KCNMA1: variants seen among roughly 807,000 people sequenced by gnomAD.
KCNMA1 encodes the protein Calcium-activated potassium channel subunit alpha-1.
In KCNMA1, 29 loss-of-function variants were observed where a neutral mutation model predicts 140.0. That is an observed-to-expected ratio of 0.21 (90% CI 0.15 to 0.28). KCNMA1 has a LOEUF of 0.28. Among genes scored for constraint, KCNMA1 ranks in the 10% least tolerant of loss-of-function variants. The pLI, the probability that KCNMA1 is intolerant of heterozygous loss-of-function variation, is 1.00. For synonymous variants in KCNMA1, 612 were observed against 611.9 expected (o/e 1.00, Z 0.00); for missense variants, 880 against 1,602.2 (o/e 0.55, Z 7.70).
intron 1 of KCNMA1, among the ~76,000 whole-genome samples, chr10:77,620,716 C>T (rs1383830529): frequency 6.6e-6 from 1 of 152,184 alleles, no homozygotes; most frequent in African/African-American, 2.4e-5. Flanking sequence ...TGTTTTCTCC[C>T]CATTTTTGGA....
intron 6 of KCNMA1, among the ~76,000 whole-genome samples, chr10:77,113,849 G>A (rs761828914): frequency 7.2e-5 from 11 of 152,128 alleles, no homozygotes; most frequent in Non-Finnish European, 1.2e-4. Flanking sequence ...TTACGTTTTT[G>A]TGTGTGACAA....
At chr10:76,992,531 G>T (rs10740464) in intron 19 of KCNMA1, among the ~76,000 whole-genome samples, 117,806 of 152,088 alleles carry the variant, frequency 0.77, 47,763 homozygotes, top group Non-Finnish European at 0.9. Context: ...AAGCTGGTTT[G>T]GGAGAAAGCC....
intron 1 of KCNMA1, among the ~76,000 whole-genome samples, chr10:77,472,735 C>G (rs993799548): frequency 6.6e-6 from 1 of 152,180 alleles, no homozygotes; most frequent in African/African-American, 2.4e-5. Flanking sequence ...CGTGCAGAAG[C>G]AGCTTTTAGT....
At chr10:77,268,256 C>T (rs2063953483) in intron 2 of KCNMA1, among the ~76,000 whole-genome samples, 1 of 152,102 alleles carries the variant, frequency 6.6e-6, no homozygotes, top group Non-Finnish European at 1.5e-5. Flanking sequence ...GTTTAGTAAC[C>T]TGATATACCA....
rs113608612 is a variant in KCNMA1 at position 77,357,374 on chromosome 10, T to C, written c.540+46488A>G. ...GGACAGTCATTCTGGTAGCATCCTC[T>C]GGTAGAGAATAACATAGTCAAATCT... On this transcript the variant is annotated intron_variant, in intron 2 of 27. Transcript: ENST00000286628. Among the ~76,000 whole-genome samples, 667 of 152,352 alleles carry C rather than the reference T, an allele frequency of 4.4e-3. 6 individuals are homozygous for C. Among genetic ancestry groups the C allele is most frequent in the African/African-American group, 0.015 (630 of 41,576 alleles).
intron 2 of KCNMA1, among the ~76,000 whole-genome samples, chr10:77,326,027 G>A (rs867044512): frequency 2.0e-4 from 31 of 152,288 alleles, no homozygotes; most frequent in Non-Finnish European, 3.7e-4. Context: ...TCTAAGGACA[G>A]GAACCATGCC....
intron 2 of KCNMA1, among the ~76,000 whole-genome samples, chr10:77,386,418 G>A (rs2095605379): frequency 6.6e-6 from 1 of 152,220 alleles, no homozygotes; most frequent in Non-Finnish European, 1.5e-5. Context: ...AGGAACGAAT[G>A]AGGAGTCTGA....
intron 23 of KCNMA1, among the ~76,000 whole-genome samples, chr10:76,921,491 T>C (rs1039561777): frequency 3.3e-5 from 5 of 152,164 alleles, no homozygotes; most frequent in African/African-American, 1.2e-4. Context: ...TGCTGAAACA[T>C]AAATTATCCA....
At chr10:76,907,428 T>C (rs987673612) in intron 25 of KCNMA1, among the ~76,000 whole-genome samples, 38 of 152,178 alleles carry the variant, frequency 2.5e-4, no homozygotes, top group African/African-American at 8.9e-4. Context: ...GAAAAGAAGT[T>C]CTCCAGTGCT....
chr10:76,882,490 T>TC (rs1355730251), downstream of KCNMA1, among the ~76,000 whole-genome samples: 3 of 152,050 alleles, frequency 2.0e-5, no homozygotes, highest in Admixed American at 2.0e-4. Context: ...GCCTCCTCCG[T>TC]CCCCACCCAC....
At chr10:77,342,702 C>T (rs562966713) in intron 2 of KCNMA1, among the ~76,000 whole-genome samples, 3 of 152,220 alleles carry the variant, frequency 2.0e-5, no homozygotes, top group South Asian at 2.1e-4. Context: ...AGAGGTGACA[C>T]GAGGTAAATT....
intron 23 of KCNMA1, among the ~76,000 whole-genome samples, chr10:76,924,013 A>C (rs1033148687): frequency 3.3e-5 from 5 of 152,182 alleles, no homozygotes; most frequent in Non-Finnish European, 7.3e-5. Context: ...TCAAAAAATA[A>C]AATATAATGA....
At chr10:77,064,045 C>A in intron 14 of KCNMA1, 1 of 985,354 alleles carries the variant, frequency 1.0e-6, no homozygotes, top group Non-Finnish European at 1.2e-6. Context: ...TCGCTGGGCA[C>A]CGGACTCTGT....
intron 3 of KCNMA1, among the ~76,000 whole-genome samples, chr10:77,245,081 A>G (rs936647667): frequency 6.6e-6 from 1 of 152,154 alleles, no homozygotes; most frequent in Non-Finnish European, 1.5e-5. Context: ...TTAAAAGGAA[A>G]AAAAAAAACA....
At chr10:76,884,847 TAAATAA>T, downstream of KCNMA1, 3 of 1,251,982 alleles carry the variant, frequency 2.4e-6, no homozygotes, top group South Asian at 1.9e-5. Context: ...CAGAACAATA[TAAATAA>T]AAATAAACAA....
intron 3 of KCNMA1, among the ~76,000 whole-genome samples, chr10:77,237,752 G>C (rs886742773): frequency 6.6e-6 from 1 of 151,984 alleles, no homozygotes; most frequent in African/African-American, 2.4e-5. Context: ...TTCATTCCCC[G>C]CCAGAGCTGC....
intron 3 of KCNMA1, among the ~76,000 whole-genome samples, chr10:77,208,545 T>TA (rs1554983469): frequency 5.3e-5 from 8 of 151,734 alleles, no homozygotes; most frequent in Non-Finnish European, 8.8e-5. Context: ...TGAAAGCCCA[T>TA]GAACAGCAAA....
intron 2 of KCNMA1, among the ~76,000 whole-genome samples, chr10:77,375,158 C>T (rs970190076): frequency 2.6e-5 from 4 of 152,230 alleles, no homozygotes; most frequent in Non-Finnish European, 4.4e-5. Flanking sequence ...GCACCATTGG[C>T]GGGGGACAGC....
At chr10:77,416,159 C>T (rs897697940) in intron 1 of KCNMA1, among the ~76,000 whole-genome samples, 1 of 152,096 alleles carries the variant, frequency 6.6e-6, no homozygotes, top group Admixed American at 6.5e-5. Context: ...TGGCCAGGTT[C>T]CCCTCGAAAA....
Sources: allele counts gnomAD v4.1 joint callset (sites outside exome capture counted in the v4.1 genomes callset), GRCh38; gene constraint gnomAD v4.1.1; transcripts MANE v1.5; gene names NCBI Gene and HGNC (gene_info 2026-07-23, HGNC 2026-07-21).